Variants in PLOD2 observed in about 807,000 individuals in gnomAD.
The protein encoded by PLOD2 is lysine hydroxylase 2.
Under a neutral mutation model 101.0 loss-of-function variants are expected in PLOD2, and 65 were observed. The observed-to-expected ratio is 0.64, with a 90% CI of 0.53 to 0.79. PLOD2 has a LOEUF of 0.79. PLOD2 is among the 30% of genes least tolerant of loss of function. The probability of loss-of-function intolerance (pLI) is 0.00; values close to 1 mark genes in which losing one functional copy is unlikely to be tolerated. For synonymous variants in PLOD2, 314 were observed against 302.9 expected, an observed-to-expected ratio of 1.04 and a Z score of -0.38; for missense variants, 909 against 914.6, an observed-to-expected ratio of 0.99 and a Z score of 0.08.
At chr3:146,157,897 A>C (rs1194021098) in intron 1 of PLOD2, among the ~76,000 whole-genome samples, 1 of 152,226 alleles carries the variant, frequency 6.6e-6, no homozygotes, top group Non-Finnish European at 1.5e-5. Flanking sequence ...GGTTTGCATC[A>C]GTAGATAGGG....
At chr3:146,138,433 T>C (rs2031356110) in intron 1 of PLOD2, among the ~76,000 whole-genome samples, 2 of 152,158 alleles carry the variant, frequency 1.3e-5, no homozygotes, top group African/African-American at 2.4e-5. Flanking sequence ...TTGAATGGGT[T>C]GCTATCTTGG....
chr3:146,104,584 C>T (rs1320109735), intron 5 of PLOD2, among the ~76,000 whole-genome samples: 1 of 152,152 alleles, frequency 6.6e-6, no homozygotes, highest in African/African-American at 2.4e-5. Flanking sequence ...CAACTACAAA[C>T]ACACAAGTAA....
At chr3:146,122,450 C>T (rs901487785) in intron 2 of PLOD2, among the ~76,000 whole-genome samples, 1 of 152,166 alleles carries the variant, frequency 6.6e-6, no homozygotes, top group African/African-American at 2.4e-5. Flanking sequence ...CCTCTATGTT[C>T]TTTCCACTAC....
intron 1 of PLOD2, among the ~76,000 whole-genome samples, chr3:146,125,480 G>T (rs2030498033): frequency 6.6e-6 from 1 of 151,992 alleles, no homozygotes; most frequent in Admixed American, 6.6e-5. Flanking sequence ...GGCACGGTAG[G>T]TCATGCCTGT....
intron 7 of PLOD2, among the ~76,000 whole-genome samples, chr3:146,094,902 T>G (rs1342040839): frequency 3.3e-5 from 5 of 152,050 alleles, no homozygotes; most frequent in South Asian, 4.1e-4. Context: ...AACAGAGGCC[T>G]CAGAAATAAC....
At chr3:146,143,304 T>TAA (rs77375083) in intron 1 of PLOD2, among the ~76,000 whole-genome samples, 9 of 150,506 alleles carry the variant, frequency 6.0e-5, no homozygotes, top group South Asian at 2.1e-4. Flanking sequence ...AGTGAGAATA[T>TAA]AAAAAAAAAG....
At chr3:146,108,143 A>G (rs969191428) in intron 4 of PLOD2, among the ~76,000 whole-genome samples, 1 of 152,018 alleles carries the variant, frequency 6.6e-6, no homozygotes, top group African/African-American at 2.4e-5. Context: ...TTCACATTAC[A>G]TATTTTATGT....
At chr3:146,095,525 G>C (rs1365347839) in intron 7 of PLOD2, among the ~76,000 whole-genome samples, 1 of 152,154 alleles carries the variant, frequency 6.6e-6, no homozygotes, top group Non-Finnish European at 1.5e-5. Context: ...TCTCATGCCA[G>C]TTAGAATGGC....
rs7614409 is a variant in PLOD2 at position 146,106,717 on chromosome 3, G to A, written c.503-73C>T. 386,969 of 797,800 alleles carry A rather than the reference G, an allele frequency of 0.49. 95,038 individuals are homozygous for A. The highest frequency in any genetic ancestry group is 0.53 in the Middle Eastern group (2,378 of 4,446). The allele number at this position is 797,800 out of a possible 1,614,324, so 49.4% of individuals were successfully genotyped here. ...AAACTGGTGTCATGTTAATTTCACT[G>A]ACCAGTTGAACAGAGTTGTGAAGTC... On this transcript the variant is annotated intron_variant, in intron 4 of 19. Transcript: ENST00000282903.
At chr3:146,075,704 A>G (rs1936308228) in intron 15 of PLOD2, among the ~76,000 whole-genome samples, 1 of 151,582 alleles carries the variant, frequency 6.6e-6, no homozygotes, top group African/African-American at 2.4e-5. Flanking sequence ...AACTATTATA[A>G]TATGTGAACT....
intron 4 of PLOD2, among the ~76,000 whole-genome samples, chr3:146,107,667 C>T (rs1335459493): frequency 4.5e-5 from 5 of 111,374 alleles, no homozygotes; most frequent in Non-Finnish European, 6.6e-5. Flanking sequence ...GACAGAGTCT[C>T]GCTCTGTCAC....
At chr3:146,085,519 C>T (rs760305766) in intron 10 of PLOD2, 1 of 522,138 alleles carries the variant, frequency 1.9e-6, no homozygotes, top group Non-Finnish European at 3.4e-6. Context: ...TATTTTCAAG[C>T]CAGTAAATAT....
At chr3:146,124,083 A>C (rs572270598) in intron 2 of PLOD2, 55 bp downstream of exon 2, 1 of 920,720 alleles carries the variant, frequency 1.1e-6, no homozygotes, top group Non-Finnish European at 1.8e-6. Context: ...TGTTATGAAA[A>C]ACATACTTTA....
chr3:146,147,646 A>G (rs1366346704), intron 1 of PLOD2, among the ~76,000 whole-genome samples: 1 of 152,226 alleles, frequency 6.6e-6, no homozygotes, highest in Non-Finnish European at 1.5e-5. Context: ...AAATGTCTCT[A>G]GACGTTACCA....
At chr3:146,133,487 CT>C (rs2031046627) in intron 1 of PLOD2, among the ~76,000 whole-genome samples, 1 of 152,146 alleles carries the variant, frequency 6.6e-6, no homozygotes, top group Admixed American at 6.5e-5. Flanking sequence ...CTCATCACCC[CT>C]ATACCTCTCT....
At chr3:146,124,587 C>T (rs1021112563) in intron 1 of PLOD2, among the ~76,000 whole-genome samples, 3 of 152,010 alleles carry the variant, frequency 2.0e-5, no homozygotes, top group Non-Finnish European at 2.9e-5. Flanking sequence ...TCAACATCAT[C>T]GATAAATCAT....
At chr3:146,109,387 G>A (rs1401004122) in intron 4 of PLOD2, among the ~76,000 whole-genome samples, 1 of 152,188 alleles carries the variant, frequency 6.6e-6, no homozygotes, top group Admixed American at 6.5e-5. Context: ...AAGTGCAGGT[G>A]CAAAGAGCTG....
In PLOD2 at chr3:146,071,332, A is replaced by G. The variant is rs535406800; in HGVS notation, c.1940T>C (p.Ile647Thr). The G allele has an allele frequency of 1.4e-4, 221 of 1,612,330 alleles. 1 individual carries two copies. The South Asian group carries it at 2.3e-3, about 17-fold the overall frequency. ...VDLENVWLHF[I>T]REFIAPVTLK... ...TGTAACTGGTGCAATGAACTCCCGG[A>G]TAAAATGAAGCCATACATTCTCCAG... The change falls in exon 18 of 20, where the codon ATC (isoleucine) becomes ACC (threonine). Residue 647 changes from isoleucine to threonine, a missense_variant. By Grantham distance (89) the Ile-to-Thr change is moderately conservative. Coordinates refer to ENST00000282903, the MANE Select transcript of PLOD2 (RefSeq NM_182943.3).
chr3:146,100,945 G>A (rs1044856534), intron 7 of PLOD2, among the ~76,000 whole-genome samples: 1 of 152,120 alleles, frequency 6.6e-6, no homozygotes, highest in African/African-American at 2.4e-5. Flanking sequence ...GAGGTTGCAG[G>A]TGGCCTGAAC....
Sources: gnomAD v4.1 joint callset for allele counts (sites outside exome capture counted in the v4.1 genomes callset) on GRCh38, gnomAD v4.1.1 for gene constraint, MANE v1.5 for transcripts, NCBI Gene and HGNC (gene_info 2026-07-23, HGNC 2026-07-21) for gene names.